The following PTPRT variants were observed in gnomAD, a reference collection of about 807,000 sequenced individuals.
PTPRT encodes the protein protein tyrosine phosphatase receptor type T, also known as receptor-type tyrosine-protein phosphatase T.
In PTPRT, 56 loss-of-function variants were observed where a neutral mutation model predicts 176.8. The ratio of observed to expected loss-of-function variants is 0.32; its 90% confidence interval spans 0.26 to 0.40. The LOEUF is 0.40. PTPRT is among the 10% of genes least tolerant of loss of function. The pLI is 1.00. For missense variants in PTPRT, 1,540 were observed against 1,908.2 expected, an observed-to-expected ratio of 0.81 and a Z score of 3.60; for synonymous variants, 783 against 739.0, an observed-to-expected ratio of 1.06 and a Z score of -0.96.
intron 12 of PTPRT, among the ~76,000 whole-genome samples, chr20:42,309,385 T>C (rs929319092): frequency 1.3e-5 from 2 of 152,082 alleles, no homozygotes; most frequent in African/African-American, 4.8e-5. Flanking sequence ...ACAGCTACCC[T>C]GGGTACCATT....
At position 43,134,285 on chromosome 20, in the gene PTPRT, T is replaced by G. The variant is rs569760535; in HGVS notation, c.88+55361A>C. 7.9e-5 allele frequency among the ~76,000 whole-genome samples: 12 copies of G among 152,330 alleles called. No individual in the cohort carries two copies. In the South Asian group the frequency reaches 2.5e-3, roughly 32 times the overall value. On this transcript the variant is annotated intron_variant, in intron 1 of 30. Transcript: ENST00000373187. ...TTGCTTGGCCAAACTTTAGTCAGGC[T>G]TCTGAACCTTTTCCTTGGCCCATCT...
chr20:42,941,498 G>A (rs1980548359), intron 1 of PTPRT, among the ~76,000 whole-genome samples: 1 of 152,058 alleles, frequency 6.6e-6, no homozygotes, highest in Non-Finnish European at 1.5e-5. Flanking sequence ...TATTCAATGG[G>A]TCATAAAGTC....
intron 15 of PTPRT, among the ~76,000 whole-genome samples, chr20:42,233,641 G>C (rs955236496): frequency 7.9e-5 from 12 of 152,162 alleles, no homozygotes; most frequent in Admixed American, 1.3e-4. Context: ...GGTGGTAGTT[G>C]GGATGGGAAG....
At chr20:42,512,769 T>C (rs980322585) in intron 7 of PTPRT, among the ~76,000 whole-genome samples, 1 of 152,126 alleles carries the variant, frequency 6.6e-6, no homozygotes, top group Admixed American at 6.5e-5. Context: ...CCAATCATTT[T>C]GGATGTGTCA....
chr20:43,135,918 T>C (rs750844686), intron 1 of PTPRT, among the ~76,000 whole-genome samples: 97 of 152,234 alleles, frequency 6.4e-4, no homozygotes, highest in Admixed American at 2.5e-3. Flanking sequence ...GCCTTCTCTC[T>C]AAACAGAGAA....
intron 13 of PTPRT, chr20:42,270,379 C>CCG: frequency 6.5e-7 from 1 of 1,541,626 alleles, no homozygotes; most frequent in Non-Finnish European, 8.8e-7. Context: ...CCCACCCGCC[C>CCG]AGGGCTCTGG....
At chr20:42,662,225 T>C (rs765848459) in intron 7 of PTPRT, among the ~76,000 whole-genome samples, 2 of 152,176 alleles carry the variant, frequency 1.3e-5, no homozygotes, top group Non-Finnish European at 2.9e-5. Context: ...TACTACCAGT[T>C]TGAAACATAT....
intron 13 of PTPRT, among the ~76,000 whole-genome samples, chr20:42,249,112 G>A (rs998150866): frequency 6.6e-6 from 1 of 152,132 alleles, no homozygotes; most frequent in African/African-American, 2.4e-5. Context: ...TTTTCCTTAA[G>A]GCAAATCAAG....
intron 1 of PTPRT, among the ~76,000 whole-genome samples, chr20:43,073,282 T>G (rs1282285548): frequency 6.6e-6 from 1 of 152,184 alleles, no homozygotes; most frequent in African/African-American, 2.4e-5. Context: ...TCTGTGTATG[T>G]GTACATGTTT....
intron 1 of PTPRT, among the ~76,000 whole-genome samples, chr20:43,037,163 T>C (rs1379398552): frequency 6.6e-6 from 1 of 152,242 alleles, no homozygotes; most frequent in East Asian, 1.9e-4. Flanking sequence ...AGCAAAATCT[T>C]TGCTTTAGCT....
At chr20:42,929,596 A>G (rs925468568) in intron 1 of PTPRT, among the ~76,000 whole-genome samples, 5 of 152,256 alleles carry the variant, frequency 3.3e-5, no homozygotes, top group African/African-American at 1.2e-4. Context: ...TTAAAAATTA[A>G]TAATAAAAGA....
intron 23 of PTPRT, 98 bp downstream of exon 23, chr20:42,110,235 A>AGAG (rs1465615635): frequency 7.0e-6 from 8 of 1,138,692 alleles, no homozygotes; most frequent in Non-Finnish European, 9.7e-6. Context: ...TTTCTTTAGT[A>AGAG]GAGACGAGGT....
intron 7 of PTPRT, among the ~76,000 whole-genome samples, chr20:42,480,320 C>G (rs1235929304): frequency 2.0e-5 from 3 of 152,176 alleles, no homozygotes; most frequent in African/African-American, 4.8e-5. Flanking sequence ...TGCACTCCCT[C>G]AAACCCAGAG....
intron 27 of PTPRT, among the ~76,000 whole-genome samples, chr20:42,090,303 C>T (rs778104925): frequency 6.6e-6 from 1 of 151,172 alleles, no homozygotes; most frequent in Non-Finnish European, 1.5e-5. Context: ...CAAAGGACTG[C>T]CCGTGTGGAA....
At chr20:42,414,922 A>G (rs1483335505) in intron 9 of PTPRT, among the ~76,000 whole-genome samples, 1 of 152,206 alleles carries the variant, frequency 6.6e-6, no homozygotes, top group Non-Finnish European at 1.5e-5. Context: ...AATATCCAGA[A>G]AGTGTTTGAA....
intron 1 of PTPRT, among the ~76,000 whole-genome samples, chr20:43,095,982 C>T (rs372844490): frequency 0.013 from 916 of 71,476 alleles, 68 homozygotes; most frequent in Non-Finnish European, 0.022. Context: ...CTCTCCTTCT[C>T]TCTTTCCACC....
At chr20:42,872,657 A>G (rs576688156) in intron 2 of PTPRT, among the ~76,000 whole-genome samples, 2 of 152,332 alleles carry the variant, frequency 1.3e-5, no homozygotes, top group East Asian at 3.9e-4. Context: ...TTGATTCATA[A>G]ATTACAAGTC....
intron 9 of PTPRT, among the ~76,000 whole-genome samples, chr20:42,412,511 A>G (rs1291129023): frequency 6.6e-6 from 1 of 152,208 alleles, no homozygotes. Context: ...GCTTCTTATA[A>G]ACTTATACTT....
At chr20:43,149,098 T>C (rs1440767857) in intron 1 of PTPRT, among the ~76,000 whole-genome samples, 2 of 152,244 alleles carry the variant, frequency 1.3e-5, no homozygotes, top group Non-Finnish European at 2.9e-5. Context: ...CCAATATAAT[T>C]ACAAATAATA....
Sources: allele counts gnomAD v4.1 joint callset (sites outside exome capture counted in the v4.1 genomes callset), GRCh38; gene constraint gnomAD v4.1.1; transcripts MANE v1.5; gene names NCBI Gene and HGNC (gene_info 2026-07-23, HGNC 2026-07-21).